The following MYOM2 variants were observed in gnomAD, a reference collection of about 807,000 sequenced individuals.
MYOM2 encodes the protein myomesin-2.
Under a neutral mutation model 187.6 loss-of-function variants are expected in MYOM2, and 254 were observed. That is an observed-to-expected ratio of 1.35 (90% CI 1.22 to 1.50). MYOM2 has a LOEUF of 1.50. Among genes scored for constraint, MYOM2 ranks in the 40% most tolerant of loss-of-function variants. MYOM2 has a pLI of 0.00. For missense variants in MYOM2, 2,796 were observed against 1,924.0 expected (o/e 1.45, Z -8.48); for synonymous variants, 981 against 753.8 (o/e 1.30, Z -4.94).
At chr8:2,055,216 G>C (rs1434935711) in intron 3 of MYOM2, among the ~76,000 whole-genome samples, 1 of 152,198 alleles carries the variant, frequency 6.6e-6, no homozygotes, top group Admixed American at 6.5e-5. Context: ...TTGGGATTCA[G>C]AGTTACAGGA....
intron 28 of MYOM2, among the ~76,000 whole-genome samples, chr8:2,119,855 A>G (rs1188580032): frequency 6.6e-6 from 1 of 152,080 alleles, no homozygotes; most frequent in Non-Finnish European, 1.5e-5. Context: ...CCCCCAGGGC[A>G]GCTCCCTGTG....
At chr8:2,137,556 G>A (rs900182302) in intron 32 of MYOM2, among the ~76,000 whole-genome samples, 29 of 144,318 alleles carry the variant, frequency 2.0e-4, no homozygotes, top group African/African-American at 8.4e-4. Flanking sequence ...CAAGTTGGCT[G>A]TGCCTGGTTG....
intron 1 of MYOM2, among the ~76,000 whole-genome samples, chr8:2,045,999 T>C (rs1271361106): frequency 6.6e-6 from 1 of 152,218 alleles, no homozygotes; most frequent in South Asian, 2.1e-4. Flanking sequence ...GGAACAAAGA[T>C]AATTTAAGGC....
At chr8:2,059,759 T>TTTTTTTG (rs1818790479) in intron 6 of MYOM2, among the ~76,000 whole-genome samples, 2 of 150,286 alleles carry the variant, frequency 1.3e-5, no homozygotes, top group Admixed American at 6.6e-5. Flanking sequence ...TTTTTTTTTT[T>TTTTTTTG]GAGGCAGAGT....
chr8:2,113,692 G>A (rs913399348), intron 25 of MYOM2, among the ~76,000 whole-genome samples: 4 of 152,162 alleles, frequency 2.6e-5, no homozygotes, highest in South Asian at 4.1e-4. Context: ...GGAAGTTCCG[G>A]TCCTGACCAT....
intron 12 of MYOM2, 146 bp from the exon 13 acceptor site, chr8:2,079,414 T>A: frequency 1.3e-6 from 1 of 787,138 alleles, no homozygotes; most frequent in Admixed American, 1.8e-5. Flanking sequence ...CCAGGACACT[T>A]CCAGAATCAG....
intron 3 of MYOM2, 83 bp from the exon 4 acceptor site, chr8:2,057,265 T>C (rs1470428490): frequency 4.7e-6 from 7 of 1,489,722 alleles, no homozygotes; most frequent in Non-Finnish European, 6.3e-6. Context: ...AGGGAGAGAA[T>C]GGGCATGCCC....
chr8:2,085,652 CTGT>C, intron 14 of MYOM2, among the ~76,000 whole-genome samples: 2 of 8,872 alleles, frequency 2.3e-4, no homozygotes, highest in African/African-American at 1.3e-3. Flanking sequence ...TGGCCCCCCA[CTGT>C]CGTGATCTCT....
At chr8:2,059,088 G>A (rs1299264001) in intron 5 of MYOM2, 65 bp from the exon 6 acceptor site, 6 of 1,393,208 alleles carry the variant, frequency 4.3e-6, no homozygotes, top group Non-Finnish European at 5.1e-6. Context: ...GGGAGCTGGG[G>A]CAGAATTGCA....
chr8:2,136,750 C>T (rs2116906763), intron 32 of MYOM2, among the ~76,000 whole-genome samples: 2 of 152,262 alleles, frequency 1.3e-5, no homozygotes, highest in South Asian at 4.1e-4. Context: ...GTACCTTTTT[C>T]CCTTGTCACC....
intron 23 of MYOM2, among the ~76,000 whole-genome samples, chr8:2,108,424 G>C (rs1349048851): frequency 2.0e-5 from 3 of 152,084 alleles, no homozygotes; most frequent in Non-Finnish European, 4.4e-5. Flanking sequence ...TTCTCAGCCA[G>C]TGCAATCAAT....
chr8:2,100,834 C>G lies in MYOM2; in HGVS notation c.2441-42C>G, dbSNP rs1479590424. On this transcript the variant is annotated intron_variant, in intron 19 of 36. Transcript: ENST00000262113. ...TGGGTTGGGCGGTGGGTGTGCTGGA[C>G]TGGCTATGCGCGCAGAAACAAGGTG... 3.7e-6 allele frequency: 6 copies of G among 1,606,808 alleles called. No individual in the cohort carries two copies. In the Admixed American group the frequency reaches 5.0e-5, roughly 13 times the overall value.
At chr8:2,122,500 T>C (rs1468766364) in intron 28 of MYOM2, among the ~76,000 whole-genome samples, 3 of 152,248 alleles carry the variant, frequency 2.0e-5, no homozygotes, top group Non-Finnish European at 4.4e-5. Context: ...TGTTGCACTG[T>C]TACTCTAGCA....
At chr8:2,056,605 G>A (rs1424930518) in intron 3 of MYOM2, among the ~76,000 whole-genome samples, 1 of 152,096 alleles carries the variant, frequency 6.6e-6, no homozygotes, top group African/African-American at 2.4e-5. Flanking sequence ...ATTCCTATCT[G>A]TATATTTTTA....
At chr8:2,068,873 T>C (rs1450867289) in intron 6 of MYOM2, among the ~76,000 whole-genome samples, 7 of 152,222 alleles carry the variant, frequency 4.6e-5, no homozygotes, top group Non-Finnish European at 1.0e-4. Context: ...AGGCTCTGTA[T>C]CATCCCATCA....
At position 2,078,813 on chromosome 8, in the gene MYOM2, T is replaced by C; in HGVS notation, c.1342T>C (p.Phe448Leu). ...KICKYPVTGLFEGRSYIFRVR... is the reference protein window; with the variant it reads ...KICKYPVTGLLEGRSYIFRVR... ...CTGCAAATACCCGGTCACAGGGCTT[T>C]TTGAAGGAAGGTCTTACATATTCCG... Residue 448 changes from phenylalanine (F) to leucine (L), a missense_variant, in exon 12 of 37, where the codon TTT becomes CTT. By Grantham distance (22) the Phe-to-Leu change is conservative (BLOSUM62 0). Coordinates refer to ENST00000262113, the MANE Select transcript of MYOM2 (RefSeq NM_003970.4). The C allele has an allele frequency of 6.2e-7, 1 of 1,614,130 alleles. No homozygotes were observed. Among genetic ancestry groups the C allele is most frequent in the Non-Finnish European group, 8.5e-7 (1 of 1,180,020 alleles).
chr8:2,053,906 A>T (rs1172473476), intron 3 of MYOM2, among the ~76,000 whole-genome samples: 1 of 152,146 alleles, frequency 6.6e-6, no homozygotes, highest in Non-Finnish European at 1.5e-5. Context: ...TTTTGAAATC[A>T]GTTCTTTCCT....
chr8:2,129,953 G>A (rs894960599), intron 32 of MYOM2, among the ~76,000 whole-genome samples: 3 of 152,182 alleles, frequency 2.0e-5, no homozygotes, highest in African/African-American at 4.8e-5. Context: ...CAGGTGGGTG[G>A]GAAGGACAGA....
At chr8:2,097,160 G>C (rs1217595894) in intron 18 of MYOM2, 1 of 952,620 alleles carries the variant, frequency 1.0e-6, no homozygotes, top group South Asian at 4.8e-5. Context: ...GGCCTTAGAA[G>C]ATCTAATCTT....
Sources: gnomAD v4.1 joint callset for allele counts (sites outside exome capture counted in the v4.1 genomes callset) on GRCh38, gnomAD v4.1.1 for gene constraint, MANE v1.5 for transcripts, NCBI Gene and HGNC (gene_info 2026-07-23, HGNC 2026-07-21) for gene names.